The following DOP1A variants were observed in gnomAD, a reference collection of about 807,000 sequenced individuals.
DOP1A encodes the protein protein DOP1A.
Under a neutral mutation model 267.6 loss-of-function variants are expected in DOP1A, and 90 were observed. The observed-to-expected ratio is 0.34, with a 90% CI of 0.28 to 0.40. DOP1A has a LOEUF of 0.40. Ranked by LOEUF, DOP1A falls within the 10% of genes least tolerant of loss-of-function variation. The pLI is 1.00. For missense variants in DOP1A, 2,437 were observed against 2,900.4 expected (o/e 0.84, Z 3.67); for synonymous variants, 932 against 999.1 (o/e 0.93, Z 1.27).
chr6:83,120,703 A>G lies in DOP1A; in HGVS notation c.1011A>G (p.Gln337=), dbSNP rs764940355. The part of the protein sequence containing the change: ...LLVQAMVGIL[Q]VNGFGEENTL... ...TAAAGGCAATGGTGGGAATCTTACA[A>G]GTGAATGGATTTGGAGAAGAGAACA... Residue 337 remains glutamine (Q), a synonymous_variant, in exon 10 of 39, where the codon CAA becomes CAG. Transcript: ENST00000349129. 9 of 1,582,924 alleles carry G rather than the reference A, an allele frequency of 5.7e-6. No homozygotes were observed. Among genetic ancestry groups the G allele is most frequent in the Non-Finnish European group, 7.8e-6 (9 of 1,157,004 alleles).
At chr6:83,147,348 AT>A in intron 26 of DOP1A, 57 bp downstream of exon 26, 1 of 901,820 alleles carries the variant, frequency 1.1e-6, no homozygotes, top group Non-Finnish European at 1.6e-6. Flanking sequence ...GAGAAACATT[AT>A]TTATGGATAT....
Position 83,168,097 on chromosome 6 carries a change from C to G in DOP1A, c.7328C>G (p.Ser2443Cys), listed in dbSNP as rs778541213. 6.2e-7 allele frequency: 1 copy of G among 1,614,038 alleles called. No homozygotes were observed. Among genetic ancestry groups the G allele is most frequent in the Non-Finnish European group, 8.5e-7 (1 of 1,180,010 alleles). ...DMKLENHKPC[S>C]SKARQKIEEM... ...AAACTGGAGAACCACAAACCATGTT[C>G]CAGCAAAGCCAGGCAAAAAATAGAA... The change falls in exon 39 of 39, where the codon TCC (serine) becomes TGC (cysteine). Residue 2443 changes from serine to cysteine, a missense_variant. Ser to Cys is a moderately radical substitution (Grantham distance 112). Around this residue, in one of 9 missense-constraint regions of DOP1A, gnomAD observed 197 missense variants for 246.5 expected, o/e 0.80. Coordinates refer to ENST00000349129, the MANE Select transcript of DOP1A (RefSeq NM_015018.4).
chr6:83,142,236 A>G (rs1779765622), intron 24 of DOP1A, among the ~76,000 whole-genome samples, 190 bp downstream of exon 24: 1 of 152,152 alleles, frequency 6.6e-6, no homozygotes, highest in Admixed American at 6.5e-5. Flanking sequence ...AAGGCTAGGC[A>G]CGGTGGCTCA....
chr6:83,157,166 T>G lies in DOP1A; in HGVS notation c.6605-16T>G. 1 of 1,605,292 alleles carries G rather than the reference T, an allele frequency of 6.2e-7. No homozygotes were observed. Among genetic ancestry groups the G allele is most frequent in the African/African-American group, 1.3e-5 (1 of 74,338 alleles). ...AAGATTATTTAGTTATTGAAAATGC[T>G]CTGCATTTCTTTCAGAGAGATTGGT... On this transcript the variant is annotated splice_polypyrimidine_tract_variant and intron_variant, in intron 34 of 38. Transcript: ENST00000349129.
chr6:83,132,698 GA>G (rs1778266905), intron 18 of DOP1A, among the ~76,000 whole-genome samples: 1 of 152,026 alleles, frequency 6.6e-6, no homozygotes, highest in African/African-American at 2.4e-5. Flanking sequence ...TAATATATAT[GA>G]AATGAAATAA....
downstream of DOP1A, chr6:83,168,645 C>T (rs1786412172): frequency 2.0e-6 from 2 of 996,546 alleles, no homozygotes; most frequent in African/African-American, 1.7e-5. Flanking sequence ...TAACTGAAGG[C>T]TGGACCATGC....
intron 38 of DOP1A, 44 bp from the exon 39 acceptor site, chr6:83,167,818 A>T: frequency 6.5e-7 from 1 of 1,546,122 alleles, no homozygotes; most frequent in Non-Finnish European, 8.7e-7. Context: ...AACATACCAC[A>T]TTGTCTGTTG....
At chr6:83,104,431 A>G (rs545298969) in intron 4 of DOP1A, among the ~76,000 whole-genome samples, 4 of 152,256 alleles carry the variant, frequency 2.6e-5, no homozygotes, top group Admixed American at 1.3e-4. Flanking sequence ...CAGTTGGCTC[A>G]TGATTTAGAA....
intron 7 of DOP1A, among the ~76,000 whole-genome samples, chr6:83,116,914 T>C (rs1436354983): frequency 6.6e-6 from 1 of 152,186 alleles, no homozygotes; most frequent in East Asian, 1.9e-4. Context: ...ATTAATGTTA[T>C]TTTCCTTGCA....
Position 83,166,636 on chromosome 6 carries a change from C to T in DOP1A, c.7093-1226C>T, listed in dbSNP as rs145159464. ...TTTAAGAATGTACTCCAATATAAAA[C>T]GGCAAATTTCAACAATGCAAAAACC... On this transcript the variant is annotated intron_variant, in intron 38 of 38. Coordinates refer to ENST00000349129, the MANE Select transcript of DOP1A (RefSeq NM_015018.4). The T allele has an allele frequency of 1.4e-4, 137 of 981,684 alleles. 1 individual carries two copies. The African/African-American group carries it at 1.8e-3, about 13-fold the overall frequency. 60.8% of individuals were successfully genotyped at this position (981,684 alleles called of 1,614,324 possible).
At chr6:83,149,292 G>A (rs1245334951) in intron 27 of DOP1A, among the ~76,000 whole-genome samples, 1 of 152,136 alleles carries the variant, frequency 6.6e-6, no homozygotes, top group Non-Finnish European at 1.5e-5. Context: ...TGATTTATAT[G>A]ATTATTTGAT....
At chr6:83,076,894 A>G (rs930954203) in intron 1 of DOP1A, among the ~76,000 whole-genome samples, 3 of 152,250 alleles carry the variant, frequency 2.0e-5, no homozygotes, top group Non-Finnish European at 4.4e-5. Flanking sequence ...ATTAATGGAT[A>G]AGCAAAATAC....
At chr6:83,134,008 A>T (rs899950181) in intron 18 of DOP1A, among the ~76,000 whole-genome samples, 179 bp from the exon 19 acceptor site, 1 of 152,114 alleles carries the variant, frequency 6.6e-6, no homozygotes, top group African/African-American at 2.4e-5. Flanking sequence ...GTATATATTT[A>T]CATATTTTCT....
intron 1 of DOP1A, among the ~76,000 whole-genome samples, chr6:83,078,957 G>A (rs1250779831): frequency 5.9e-5 from 9 of 152,076 alleles, no homozygotes; most frequent in Admixed American, 5.2e-4. Flanking sequence ...ACATGAGAGG[G>A]GATGGACATT....
chr6:83,152,225 C>T, intron 29 of DOP1A, 63 bp from the exon 30 acceptor site: 1 of 934,680 alleles, frequency 1.1e-6, no homozygotes, highest in Non-Finnish European at 1.6e-6. Context: ...CACACACACA[C>T]ACACACATAA....
rs751634957 is a variant in DOP1A at position 83,134,230 on chromosome 6, A to C, written c.2813A>C (p.His938Pro). ...EAHAKFAVLWHLTRDLHINKS... is the reference protein window; with the variant it reads ...EAHAKFAVLWPLTRDLHINKS... The stretch of plus-strand genomic sequence containing the variant: ...CATGCCAAGTTTGCAGTTCTTTGGC[A>C]TCTAACGAGAGATCTCCATATAAAT... Residue 938 changes from histidine to proline, a missense_variant, in exon 19 of 39, where the codon CAT becomes CCT. His to Pro is a moderately conservative substitution (Grantham distance 77). This residue lies in a region of DOP1A where 878 missense variants were observed against 992.9 expected (regional missense o/e 0.88). Coordinates refer to ENST00000349129, the MANE Select transcript of DOP1A (RefSeq NM_015018.4). 6.2e-7 allele frequency: 1 copy of C among 1,613,104 alleles called. No homozygotes were observed. The highest frequency in any genetic ancestry group is 8.5e-7 in the Non-Finnish European group (1 of 1,179,442).
intron 7 of DOP1A, among the ~76,000 whole-genome samples, chr6:83,115,538 C>A (rs540772346): frequency 6.6e-5 from 10 of 151,962 alleles, no homozygotes; most frequent in Non-Finnish European, 1.5e-4. Context: ...CTGGCTAACA[C>A]GGTGAAACCC....
At chr6:83,089,535 A>G (rs748769312) in intron 1 of DOP1A, among the ~76,000 whole-genome samples, 5 of 152,234 alleles carry the variant, frequency 3.3e-5, no homozygotes, top group Non-Finnish European at 7.3e-5. Context: ...TAACTTTGAA[A>G]GTATTGCAAC....
At chr6:83,164,639 T>A in intron 38 of DOP1A, 1 of 1,559,114 alleles carries the variant, frequency 6.4e-7, no homozygotes, top group Non-Finnish European at 8.7e-7. Context: ...AGGCTGTGAG[T>A]TCTCCTCTTT....
Sources: allele counts gnomAD v4.1 joint callset (sites outside exome capture counted in the v4.1 genomes callset), GRCh38; gene constraint gnomAD v4.1.1; regional missense constraint gnomAD v4.1.1; transcripts MANE v1.5; gene names NCBI Gene and HGNC (gene_info 2026-07-23, HGNC 2026-07-21).